IRF2BP2: variants seen among roughly 807,000 people sequenced by gnomAD.
The protein encoded by IRF2BP2 is interferon regulatory factor 2 binding protein 2.
IRF2BP2 carries 13 observed loss-of-function variants against 32.7 expected under a neutral mutation model. The observed-to-expected ratio is 0.40, with a 90% CI of 0.26 to 0.63. IRF2BP2 has a LOEUF of 0.63. Among genes scored for constraint, IRF2BP2 ranks in the 30% least tolerant of loss-of-function variants. IRF2BP2 has a pLI of 0.42. For missense variants in IRF2BP2, 980 were observed against 830.6 expected (o/e 1.18, Z -2.21); for synonymous variants, 555 against 384.6 (o/e 1.44, Z -5.18).
In IRF2BP2 at chr1:234,608,867, C is replaced by T. The variant is rs1672254793; in HGVS notation, c.628G>A (p.Ala210Thr). Residue 210 changes from alanine to threonine, a missense_variant, in exon 1 of 2, where the codon GCC becomes ACC. Transcript: ENST00000366609. ...PTALGLGGRA[A>T]ASLAAVSGTA... The stretch of plus-strand genomic sequence containing the variant: ...CCGGACACCGCGGCTAAGGAGGCGG[C>T]AGCGCGGCCGCCGAGGCCGAGCGCG... 1.5e-6 allele frequency: 2 copies of T among 1,319,126 alleles called. No homozygotes were observed. Among genetic ancestry groups the T allele is most frequent in the Non-Finnish European group, 9.6e-7 (1 of 1,043,912 alleles). 81.7% of individuals were successfully genotyped at this position (1,319,126 alleles called of 1,614,324 possible).
Position 234,610,012 on chromosome 1 carries a change from G to A in IRF2BP2, c.-518C>T, listed in dbSNP as rs975729471. ...ATGCCGCGCCGGGGTGGCGGCGGCC[G>A]GGCGGCGTGGAGCTCGGGCGCGGCG... On this transcript the variant is annotated 5_prime_UTR_variant, in exon 1 of 2. Transcript: ENST00000366609. 6.9e-6 allele frequency among the ~76,000 whole-genome samples: 1 copy of A among 145,328 alleles called. No individual in the cohort carries two copies. The highest frequency in any genetic ancestry group is 2.5e-5 in the African/African-American group (1 of 40,518).
rs756506703 is a variant in IRF2BP2 at position 234,609,067 on chromosome 1, G to C, written c.428C>G (p.Ala143Gly). ...CGGCGGCTGCGGCGTCGGCGGCTGGGCCAGGCTCGCTGCCGGGCGGCTGCT... is the reference window on the plus strand; with the variant it reads ...CGGCGGCTGCGGCGTCGGCGGCTGGCCCAGGCTCGCTGCCGGGCGGCTGCT... ...FGSSRPAASL[A>G]QPPTPQPPPV... Residue 143 changes from alanine (A) to glycine (G), a missense_variant, in exon 1 of 2, where the codon GCC (alanine) becomes GGC (glycine). Physicochemically the swap from Ala to Gly is moderately conservative, Grantham distance 60 (BLOSUM62 0). Coordinates refer to ENST00000366609, the MANE Select transcript of IRF2BP2 (RefSeq NM_182972.3). 1.8e-5 allele frequency: 23 copies of C among 1,266,264 alleles called. No individual in the cohort carries two copies. The highest frequency in any genetic ancestry group is 2.2e-5 in the Non-Finnish European group (22 of 1,009,014). 78.4% of individuals were successfully genotyped at this position (1,266,264 alleles called of 1,614,324 possible). A position where few individuals can be genotyped will look rare whatever the true frequency, so the allele number is the denominator to read the frequency against.
At position 234,607,207 on chromosome 1, in the gene IRF2BP2, G is replaced by A; in HGVS notation, c.1694C>T (p.Ala565Val). 1 of 1,614,162 alleles carries A rather than the reference G, an allele frequency of 6.2e-7. No homozygotes were observed. Among genetic ancestry groups the A allele is most frequent in the Non-Finnish European group, 8.5e-7 (1 of 1,180,036 alleles). ...CPLVGSNVPWAFMQGEIATIL... is the reference protein window; with the variant it reads ...CPLVGSNVPWVFMQGEIATIL... ...GGTTGCAATTTCCCCTTGCATAAAG[G>A]CCCAGGGGACATTGGAGCCCACAAG... is the stretch of plus-strand genomic sequence containing the variant. Residue 565 changes from alanine (A) to valine (V), a missense_variant, in exon 2 of 2, where the codon GCC becomes GTC. Ala to Val is a moderately conservative substitution (Grantham distance 64). Coordinates refer to ENST00000366609, the MANE Select transcript of IRF2BP2 (RefSeq NM_182972.3).
rs1018850781 is a variant in IRF2BP2 at position 234,609,495 on chromosome 1, G to A, written c.-1C>T. ...CCGCCACCGCCACCGCCGCGGCCAT[G>A]TCCGAGGAGCCCGCGACGCCGGAGG... On this transcript the variant is annotated 5_prime_UTR_variant, in exon 1 of 2. Coordinates refer to ENST00000366609, the MANE Select transcript of IRF2BP2 (RefSeq NM_182972.3). 17 of 1,478,100 alleles carry A rather than the reference G, an allele frequency of 1.2e-5. No individual in the cohort carries two copies. The South Asian group carries it at 1.5e-4, about 13-fold the overall frequency. The allele number at this position is 1,478,100 out of a possible 1,614,324, so 91.6% of individuals were successfully genotyped here.
intron 1 of IRF2BP2, 190 bp from the exon 2 acceptor site, chr1:234,608,042 G>A (rs935094595): frequency 1.7e-6 from 1 of 578,674 alleles, no homozygotes; most frequent in East Asian, 2.8e-5. Flanking sequence ...ACGGGATTCT[G>A]AGGCAGCAGA....
rs1310745233 is a variant in IRF2BP2, at chr1:234,605,681, G to GT, written c.*1455dup. 2 of 152,128 alleles carry GT rather than the reference G, an allele frequency of 1.3e-5. No individual in the cohort carries two copies. Among genetic ancestry groups the GT allele is most frequent in the African/African-American group, 4.8e-5 (2 of 41,430 alleles). 9.4% of individuals were successfully genotyped at this position (152,128 alleles called of 1,614,324 possible). A position where few individuals can be genotyped will look rare whatever the true frequency, so the allele number is the denominator to read the frequency against. ...AAGGCCAAGTTACAAACACCTGAAC[G>GT]TAAGGATTTAAAATAGTGTTCCTGT... On this transcript the variant is annotated 3_prime_UTR_variant, in exon 2 of 2. Coordinates refer to ENST00000366609, the MANE Select transcript of IRF2BP2 (RefSeq NM_182972.3).
chr1:234,608,855 C>G lies in IRF2BP2; in HGVS notation c.640G>C (p.Ala214Pro). 3 of 1,326,758 alleles carry G rather than the reference C, an allele frequency of 2.3e-6. No homozygotes were observed. The highest frequency in any genetic ancestry group is 2.9e-6 in the Non-Finnish European group (3 of 1,048,406). The allele number at this position is 1,326,758 out of a possible 1,614,324, so 82.2% of individuals were successfully genotyped here. Residue 214 changes from alanine to proline, a missense_variant, in exon 1 of 2, where the codon GCC becomes CCC. Physicochemically the swap from Ala to Pro is conservative, Grantham distance 27. Transcript: ENST00000366609. ...GCGGCCGCGGTTCCGGACACCGCGGCTAAGGAGGCGGCAGCGCGGCCGCCG... is the reference window on the plus strand; with the variant it reads ...GCGGCCGCGGTTCCGGACACCGCGGGTAAGGAGGCGGCAGCGCGGCCGCCG... The part of the protein sequence containing the change: ...GLGGRAAASL[A>P]AVSGTAAASL...
Position 234,608,568 on chromosome 1 carries a change from C to T in IRF2BP2, c.927G>A (p.Leu309=), listed in dbSNP as rs1455534987. 1.2e-6 allele frequency: 2 copies of T among 1,608,672 alleles called. No individual in the cohort carries two copies. Among genetic ancestry groups the T allele is most frequent in the Non-Finnish European group, 1.7e-6 (2 of 1,178,220 alleles). ...VNRPKTVRDT[L]LALHQHGHSG... ...AGTGGCCGTGCTGGTGCAGCGCCAG[C>T]AGCGTGTCGCGCACGGTCTTGGGCC... Residue 309 remains leucine, a synonymous_variant, in exon 1 of 2, where the codon CTG becomes CTA. Transcript: ENST00000366609.
rs776905898 is a variant in IRF2BP2, at chr1:234,607,480, A to C, written c.1421T>G (p.Val474Gly). The stretch of plus-strand genomic sequence containing the variant: ...TGTGTTGCCTGCTCCCTGGCCCCCC[A>C]CCTCTCTGGGGCCCAGCCTTCTTTG... ...MNQRRLGPRE[V>G]GGQGAGNTGG... The change falls in exon 2 of 2, where the codon GTG (valine) becomes GGG (glycine). Residue 474 changes from valine (V) to glycine (G), a missense_variant. By Grantham distance (109) the Val-to-Gly change is moderately radical. Transcript: ENST00000366609. 1.9e-6 allele frequency: 3 copies of C among 1,613,918 alleles called. No homozygotes were observed. Among genetic ancestry groups the C allele is most frequent in the South Asian group, 1.1e-5 (1 of 91,090 alleles).
In IRF2BP2 at chr1:234,609,517, G is replaced by A. The variant is rs772158775; in HGVS notation, c.-23C>T. ...CATGTCCGAGGAGCCCGCGACGCCG[G>A]AGGAGGAGGCGGAGGAGGAGGAGGG... is the stretch of plus-strand genomic sequence containing the variant. On this transcript the variant is annotated 5_prime_UTR_variant, in exon 1 of 2. Transcript: ENST00000366609. The A allele has an allele frequency of 1.2e-5, 17 of 1,425,616 alleles. No individual in the cohort carries two copies. Among genetic ancestry groups the A allele is most frequent in the South Asian group, 5.4e-5 (4 of 73,666 alleles). The allele number at this position is 1,425,616 out of a possible 1,614,324, so 88.3% of individuals were successfully genotyped here. A position where few individuals can be genotyped will look rare whatever the true frequency, so the allele number is the denominator to read the frequency against.
Position 234,607,806 on chromosome 1 carries a change from A to G in IRF2BP2, c.1095T>C (p.Gly365=). 1 of 1,608,076 alleles carries G rather than the reference A, an allele frequency of 6.2e-7. No individual in the cohort carries two copies. The highest frequency in any genetic ancestry group is 8.5e-7 in the Non-Finnish European group (1 of 1,176,394). Reference sequence around the variant, plus strand: ...CGTTGATCTTAGGGGGCCCGACTTCACCTTCTGGTTCTGGAGAGGGCTTCC... The same window carrying G: ...CGTTGATCTTAGGGGGCCCGACTTCGCCTTCTGGTTCTGGAGAGGGCTTCC... ...RKRKPSPEPE[G]EVGPPKINGE... is the part of the protein sequence containing the mutation. Residue 365 remains glycine (G), a synonymous_variant, in exon 2 of 2, where the codon GGT becomes GGC. Transcript: ENST00000366609.
rs559184351 is a variant in IRF2BP2 at position 234,604,630 on chromosome 1, A to C, written c.*2507T>G. ...AATTCTATAAATTGTTAAAAGCAAA[A>C]AAGGGAAAGCTTCAACACCCCATCC... On this transcript the variant is annotated 3_prime_UTR_variant, in exon 2 of 2. Transcript: ENST00000366609. 1 of 152,338 alleles carries C rather than the reference A, an allele frequency of 6.6e-6. No individual in the cohort carries two copies. Among genetic ancestry groups the C allele is most frequent in the African/African-American group, 2.4e-5 (1 of 41,570 alleles). The allele number at this position is 152,338 out of a possible 1,614,324, so 9.4% of individuals were successfully genotyped here. A position where few individuals can be genotyped will look rare whatever the true frequency, so the allele number is the denominator to read the frequency against.
In IRF2BP2 at chr1:234,607,856, G is replaced by A. The variant is rs765132847; in HGVS notation, c.1049-4C>T. On this transcript the variant is annotated splice_region_variant and splice_polypyrimidine_tract_variant and intron_variant, in intron 1 of 1. Coordinates refer to ENST00000366609, the MANE Select transcript of IRF2BP2 (RefSeq NM_182972.3). Reference sequence around the variant, plus strand: ...CTTTTCCTTGCTGTTCTTGCAACTGGAAACACAAAGAAATAAAAGGAAAAA... The same window carrying A: ...CTTTTCCTTGCTGTTCTTGCAACTGAAAACACAAAGAAATAAAAGGAAAAA... 7 of 1,543,048 alleles carry A rather than the reference G, an allele frequency of 4.5e-6. No homozygotes were observed. The highest frequency in any genetic ancestry group is 1.2e-5 in the South Asian group (1 of 82,858).
Position 234,610,118 on chromosome 1 carries a change from C to G in IRF2BP2, c.-624G>C, listed in dbSNP as rs999653973. Among the ~76,000 whole-genome samples, 1 of 148,168 alleles carries G rather than the reference C, an allele frequency of 6.7e-6. No individual in the cohort carries two copies. On this transcript the variant is annotated 5_prime_UTR_variant, in exon 1 of 2. Transcript: ENST00000366609. ...GCGCCAGCGTCAGCGGCCAGCCCGCCTCAGCTCCGCCGCCGCCACCGTCGC... is the reference window on the plus strand; with the variant it reads ...GCGCCAGCGTCAGCGGCCAGCCCGCGTCAGCTCCGCCGCCGCCACCGTCGC...
rs539926821 is a variant in IRF2BP2 at position 234,605,296 on chromosome 1, C to G, written c.*1841G>C. ...GTGCATTCACATAAGAGAGACCAGTCTGCACTGAGTCATATATACTCCAAC... is the reference window on the plus strand; with the variant it reads ...GTGCATTCACATAAGAGAGACCAGTGTGCACTGAGTCATATATACTCCAAC... On this transcript the variant is annotated 3_prime_UTR_variant, in exon 2 of 2. Transcript: ENST00000366609. 1.3e-5 allele frequency: 2 copies of G among 152,366 alleles called. No homozygotes were observed. Among genetic ancestry groups the G allele is most frequent in the Non-Finnish European group, 2.9e-5 (2 of 68,032 alleles). The allele number at this position is 152,366 out of a possible 1,614,324, so 9.4% of individuals were successfully genotyped here.
chr1:234,607,442 G>T lies in IRF2BP2; in HGVS notation c.1459C>A (p.Pro487Thr), dbSNP rs758362886. 6.2e-7 allele frequency: 1 copy of T among 1,614,112 alleles called. No homozygotes were observed. The highest frequency in any genetic ancestry group is 8.5e-7 in the Non-Finnish European group (1 of 1,179,980). Reference sequence around the variant, plus strand: ...TCCGGGAGGCTGGCAGGGTGCACTGGCTCCAGTCCTCCTGTGTTGCCTGCT... The same window carrying T: ...TCCGGGAGGCTGGCAGGGTGCACTGTCTCCAGTCCTCCTGTGTTGCCTGCT... Reference protein sequence around the residue: ...QGAGNTGGLEPVHPASLPDSS... With the variant: ...QGAGNTGGLETVHPASLPDSS... Residue 487 changes from proline to threonine, a missense_variant, in exon 2 of 2, where the codon CCA becomes ACA. Transcript: ENST00000366609.
chr1:234,609,515 CGGAGGAGGAGGCGGAGGA>C lies in IRF2BP2; in HGVS notation c.-39_-22del. On this transcript the variant is annotated 5_prime_UTR_variant, in exon 1 of 2. Transcript: ENST00000366609. ...GCCATGTCCGAGGAGCCCGCGACGCCGGAGGAGGAGGCGGAGGAGGAGGAGGGGGCGCCGCCGCCGCCC... is the reference window on the plus strand; with the variant it reads ...GCCATGTCCGAGGAGCCCGCGACGCCGGAGGAGGGGGCGCCGCCGCCGCCC... 1 of 1,430,882 alleles carries C rather than the reference CGGAGGAGGAGGCGGAGGA, an allele frequency of 7.0e-7. No homozygotes were observed. Among genetic ancestry groups the C allele is most frequent in the Non-Finnish European group, 9.3e-7 (1 of 1,079,970 alleles). The allele number at this position is 1,430,882 out of a possible 1,614,324, so 88.6% of individuals were successfully genotyped here. A position where few individuals can be genotyped will look rare whatever the true frequency, so the allele number is the denominator to read the frequency against.
In IRF2BP2 at chr1:234,604,830, A is replaced by G. The variant is rs1373011999; in HGVS notation, c.*2307T>C. ...GTCCCGATGTTAACTTTTTAACTTA[A>G]AAGAATGCCAGAAAACCCAGATCAA... On this transcript the variant is annotated 3_prime_UTR_variant, in exon 2 of 2. Coordinates refer to ENST00000366609, the MANE Select transcript of IRF2BP2 (RefSeq NM_182972.3). 1 of 152,224 alleles carries G rather than the reference A, an allele frequency of 6.6e-6. No individual in the cohort carries two copies. Among genetic ancestry groups the G allele is most frequent in the Non-Finnish European group, 1.5e-5 (1 of 68,038 alleles). 9.4% of individuals were successfully genotyped at this position (152,224 alleles called of 1,614,324 possible). A position where few individuals can be genotyped will look rare whatever the true frequency, so the allele number is the denominator to read the frequency against.
rs1648049315 is a variant in IRF2BP2 at position 234,607,027 on chromosome 1, A to G, written c.*110T>C. 6 of 826,738 alleles carry G rather than the reference A, an allele frequency of 7.3e-6. No individual in the cohort carries two copies. Among genetic ancestry groups the G allele is most frequent in the Non-Finnish European group, 1.1e-5 (6 of 523,356 alleles). 51.2% of individuals were successfully genotyped at this position (826,738 alleles called of 1,614,324 possible). ...AAATCAAAATTATACAGCCATGTTT[A>G]TGAAGTCTACATTTCCCTTGTCTTG... On this transcript the variant is annotated 3_prime_UTR_variant, in exon 2 of 2. Transcript: ENST00000366609.
Sources: allele counts gnomAD v4.1 joint callset (sites outside exome capture counted in the v4.1 genomes callset), GRCh38; gene constraint gnomAD v4.1.1; transcripts MANE v1.5; gene names NCBI Gene and HGNC (gene_info 2026-07-23, HGNC 2026-07-21).